The following NIN variants were observed in gnomAD, a reference collection of about 807,000 sequenced individuals.
NIN encodes the protein glycogen synthase kinase 3 beta-interacting protein.
In NIN, 137 loss-of-function variants were observed where a neutral mutation model predicts 257.6. The observed-to-expected ratio is 0.53, with a 90% CI of 0.46 to 0.61. The LOEUF (loss-of-function observed/expected upper bound fraction) is 0.61. Among genes scored for constraint, NIN ranks in the 20% least tolerant of loss-of-function variants. The probability of loss-of-function intolerance (pLI) is 0.00; values close to 1 mark genes in which losing one functional copy is unlikely to be tolerated. For synonymous variants in NIN, 918 were observed against 919.8 expected (o/e 1.00, Z 0.04); for missense variants, 2,439 against 2,501.2 (o/e 0.98, Z 0.53).
At position 50,770,452 on chromosome 14, in the gene NIN, T is replaced by C. The variant is rs747774884; in HGVS notation, c.1370A>G (p.Gln457Arg). 4.3e-6 allele frequency: 7 copies of C among 1,614,256 alleles called. No homozygotes were observed. Among genetic ancestry groups the C allele is most frequent in the Non-Finnish European group, 5.9e-6 (7 of 1,180,040 alleles). The change falls in exon 12 of 31, where the codon CAG (glutamine) becomes CGG (arginine). Residue 457 changes from glutamine (Q) to arginine (R), a missense_variant. Coordinates refer to ENST00000530997, the MANE Select transcript of NIN (RefSeq NM_020921.4). ...QAGKQRLELEQEIEKAKTEEN... is the reference protein window; with the variant it reads ...QAGKQRLELEREIEKAKTEEN... The stretch of plus-strand genomic sequence containing the variant: ...TTCTGTTTTTGCCTTTTCAATTTCC[T>C]GTTCAAGTTCTAAACGCTGCTTGCC...
intron 5 of NIN, among the ~76,000 whole-genome samples, chr14:50,782,257 T>G (rs184091614): frequency 1.1e-3 from 160 of 152,336 alleles, no homozygotes; most frequent in Admixed American, 3.6e-3. Context: ...TGTTCATACT[T>G]TTTGATCCAA....
In NIN at chr14:50,777,008, T is replaced by G; in HGVS notation, c.607A>C (p.Asn203His). ...CAGATGGAGACCAGCTTCTTCCGGT[T>G]CAGGTGACCATCACGGGTGATCCCC... is the stretch of plus-strand genomic sequence containing the variant. ...DLGITRDGHL[N>H]RKKLVSICEQ... The change falls in exon 7 of 31, where the codon AAC (asparagine) becomes CAC (histidine). Residue 203 changes from asparagine (N) to histidine (H), a missense_variant. Transcript: ENST00000530997. 6.2e-7 allele frequency: 1 copy of G among 1,614,214 alleles called. No homozygotes were observed. The highest frequency in any genetic ancestry group is 2.2e-5 in the East Asian group (1 of 44,884).
intron 2 of NIN, among the ~76,000 whole-genome samples, chr14:50,827,756 C>CAAAAAA (rs370926505): frequency 5.6e-5 from 6 of 106,894 alleles, no homozygotes; most frequent in African/African-American, 1.2e-4. Flanking sequence ...GACTCCGTAT[C>CAAAAAA]AAAAAAAAAA....
In NIN at chr14:50,757,086, T is replaced by C. The variant is rs201633119; in HGVS notation, c.3944A>G (p.Lys1315Arg). The change falls in exon 18 of 31, where the codon AAA (lysine) becomes AGA (arginine). Residue 1315 changes from lysine to arginine, a missense_variant. Around this residue, in one of 3 missense-constraint regions of NIN, gnomAD observed 2,043 missense variants for 2,050.2 expected, o/e 1.00. Coordinates refer to ENST00000530997, the MANE Select transcript of NIN (RefSeq NM_020921.4). ...LSLEKSYDEV[K>R]IENEGLNVLV... ...AACATTCAGCCCCTCATTTTCTATT[T>C]TGACCTCATCGTAACTCTTTTCCAG... is the stretch of plus-strand genomic sequence containing the variant. The C allele has an allele frequency of 2.9e-5, 47 of 1,613,540 alleles. No individual in the cohort carries two copies. In the East Asian group the frequency reaches 3.1e-4, roughly 11 times the overall value.
chr14:50,723,560 T>G lies in NIN; in HGVS notation c.6305A>C (p.Lys2102Thr). 1 of 1,613,962 alleles carries G rather than the reference T, an allele frequency of 6.2e-7. No individual in the cohort carries two copies. Among genetic ancestry groups the G allele is most frequent in the South Asian group, 1.1e-5 (1 of 91,084 alleles). The stretch of plus-strand genomic sequence containing the variant: ...AATCTTCTCCTCCAGGAGGTAATTT[T>G]TCTTCTCTGCTGTTTTCTGTCGCTG... ...TEQRQKTAEK[K>T]NYLLEEKIAS... The change falls in exon 31 of 31, where the codon AAA becomes ACA. Residue 2102 changes from lysine to threonine, a missense_variant. This residue lies in a region of NIN where 2,043 missense variants were observed against 2,050.2 expected (regional missense o/e 1.00). Coordinates refer to ENST00000530997, the MANE Select transcript of NIN (RefSeq NM_020921.4).
chr14:50,801,247 C>T (rs184639343), intron 4 of NIN, among the ~76,000 whole-genome samples: 15 of 152,134 alleles, frequency 9.9e-5, no homozygotes, highest in South Asian at 6.2e-4. Context: ...CCTGCCACCA[C>T]GCCCAGCTAA....
In NIN at chr14:50,758,358, G is replaced by T. The variant is rs1405112817; in HGVS notation, c.2672C>A (p.Thr891Asn). Reference protein sequence around the residue: ...KREKTTSLVLTQEREMLEKTY... With the variant: ...KREKTTSLVLNQEREMLEKTY... ...TTTCTCCAGCATCTCTCTCTCCTGG[G>T]TCAGGACCAGAGAAGTTGTTTTCTC... The change falls in exon 18 of 31, where the codon ACC becomes AAC. Residue 891 changes from threonine (T) to asparagine (N), a missense_variant. By Grantham distance (65) the Thr-to-Asn change is moderately conservative. Coordinates refer to ENST00000530997, the MANE Select transcript of NIN (RefSeq NM_020921.4). 2 of 1,614,102 alleles carry T rather than the reference G, an allele frequency of 1.2e-6. No individual in the cohort carries two copies. The highest frequency in any genetic ancestry group is 1.7e-6 in the Non-Finnish European group (2 of 1,180,040).
At position 50,763,804 on chromosome 14, in the gene NIN, C is replaced by T. The variant is rs754369643; in HGVS notation, c.1774+22G>A. 3.7e-6 allele frequency: 6 copies of T among 1,608,278 alleles called. No homozygotes were observed. In the South Asian group the frequency reaches 4.4e-5, roughly 12 times the overall value. ...AAAACAAGAGTAAAGGCTTTATCTA[C>T]AGCCTGTCCGAATGTGTTTACCGTG... On this transcript the variant is annotated intron_variant, in intron 15 of 30. Coordinates refer to ENST00000530997, the MANE Select transcript of NIN (RefSeq NM_020921.4).
rs1446408839 is a variant in NIN at position 50,772,444 on chromosome 14, T to C, written c.838A>G (p.Thr280Ala). ...MQSFDESGRR[T>A]TTSSAMTSTI... ...CTTGTCATTGCTGATGAGGTTGTGG[T>C]ACGTCGTCCACTCTCATCGAAAGAC... is the stretch of plus-strand genomic sequence containing the variant. Residue 280 changes from threonine to alanine, a missense_variant, in exon 9 of 31, where the codon ACC becomes GCC. Around this residue, in one of 3 missense-constraint regions of NIN, gnomAD observed 387 missense variants for 427.3 expected, o/e 0.91. Transcript: ENST00000530997. The C allele has an allele frequency of 6.2e-7, 1 of 1,614,184 alleles. No individual in the cohort carries two copies. Among genetic ancestry groups the C allele is most frequent in the Non-Finnish European group, 8.5e-7 (1 of 1,180,024 alleles).
chr14:50,763,124 A>G lies in NIN; in HGVS notation c.1774+702T>C, dbSNP rs371955681. 6.6e-5 allele frequency among the ~76,000 whole-genome samples: 10 copies of G among 152,316 alleles called. No individual in the cohort carries two copies. The East Asian group carries it at 1.7e-3, about 26-fold the overall frequency. ...GGAGGAATAAACAACCTGTGTAAGA[A>G]CGACACTCCTATCCCCAATAGCACT... On this transcript the variant is annotated intron_variant, in intron 15 of 30. Coordinates refer to ENST00000530997, the MANE Select transcript of NIN (RefSeq NM_020921.4).
intron 3 of NIN, among the ~76,000 whole-genome samples, chr14:50,808,381 G>A (rs1045989337): frequency 3.3e-5 from 5 of 152,152 alleles, no homozygotes; most frequent in African/African-American, 7.2e-5. Flanking sequence ...CCACTTGACG[G>A]GCATCTGTGA....
rs2040772254 is a variant in NIN, at chr14:50,732,630, TTA to T, written c.5877+2884_5877+2885del. Among the ~76,000 whole-genome samples the T allele has an allele frequency of 3.3e-5, 5 of 152,214 alleles. No individual in the cohort carries two copies. The South Asian group carries it at 6.2e-4, about 19-fold the overall frequency. On this transcript the variant is annotated intron_variant, in intron 28 of 30. Coordinates refer to ENST00000530997, the MANE Select transcript of NIN (RefSeq NM_020921.4). ...GTATATATTTATCACAGGTTAAAAA[TTA>T]ATATACTAAAAACCATTGAATTGTA...
chr14:50,738,064 C>G (rs2041085566), intron 27 of NIN, 76 bp downstream of exon 27: 2 of 1,429,864 alleles, frequency 1.4e-6, no homozygotes, highest in Non-Finnish European at 1.9e-6. Flanking sequence ...CTTAGAAGTA[C>G]ACCTGAGAAG....
chr14:50,726,103 TCA>T, intron 29 of NIN, 37 bp from the exon 30 acceptor site: 1 of 1,509,840 alleles, frequency 6.6e-7, no homozygotes, highest in Non-Finnish European at 9.2e-7. Flanking sequence ...GAAAATCATG[TCA>T]CACTGAAAAC....
In NIN at chr14:50,738,092, CATT is replaced by C. The variant is rs774114900; in HGVS notation, c.5775+45_5775+47del. ...CTGAGAAGAAACACACTTAAGAACG[CATT>C]ATAGTGAGAACACAGATGTACGCCA... On this transcript the variant is annotated intron_variant, in intron 27 of 30. Coordinates refer to ENST00000530997, the MANE Select transcript of NIN (RefSeq NM_020921.4). 6.9e-6 allele frequency: 11 copies of C among 1,587,230 alleles called. No individual in the cohort carries two copies. The South Asian group carries it at 1.2e-4, about 18-fold the overall frequency.
chr14:50,792,354 G>A (rs922639560), intron 5 of NIN: 16 of 193,472 alleles, frequency 8.3e-5, no homozygotes, highest in African/African-American at 1.9e-4. Flanking sequence ...GGGCAAGGGA[G>A]GGGGAGGAGC....
At chr14:50,792,691 C>G in intron 5 of NIN, 21 bp downstream of exon 5, 1 of 1,613,712 alleles carries the variant, frequency 6.2e-7, no homozygotes, top group Non-Finnish European at 8.5e-7. Context: ...TCCAGATGAA[C>G]GTGCATGCCC....
intron 5 of NIN, among the ~76,000 whole-genome samples, chr14:50,789,981 C>T (rs1468498006): frequency 2.6e-5 from 4 of 152,254 alleles, no homozygotes; most frequent in Non-Finnish European, 5.9e-5. Context: ...TGACCCATAA[C>T]CACAGCTGCT....
At chr14:50,752,294 T>C (rs1264340430) in intron 21 of NIN, among the ~76,000 whole-genome samples, 1 of 152,202 alleles carries the variant, frequency 6.6e-6, no homozygotes, top group African/African-American at 2.4e-5. Flanking sequence ...AGTCCATCTT[T>C]ACCCCAGTGG....
Sources: allele counts gnomAD v4.1 joint callset (sites outside exome capture counted in the v4.1 genomes callset), GRCh38; gene constraint gnomAD v4.1.1; regional missense constraint gnomAD v4.1.1; transcripts MANE v1.5; gene names NCBI Gene and HGNC (gene_info 2026-07-23, HGNC 2026-07-21).